The following NOP58 variants were observed in gnomAD, a reference collection of about 807,000 sequenced individuals.
NOP58 encodes NOP58 ribonucleoprotein.
Under a neutral mutation model 71.2 loss-of-function variants are expected in NOP58, and 44 were observed. The observed-to-expected ratio is 0.62, with a 90% CI of 0.49 to 0.79. The LOEUF is 0.79. Among genes scored for constraint, NOP58 ranks in the 30% least tolerant of loss-of-function variants. The probability of loss-of-function intolerance (pLI) is 0.00; values close to 1 mark genes in which losing one functional copy is unlikely to be tolerated. For missense variants in NOP58, 538 were observed against 620.2 expected, an observed-to-expected ratio of 0.87 and a Z score of 1.41; for synonymous variants, 228 against 200.3, an observed-to-expected ratio of 1.14 and a Z score of -1.17.
Position 202,271,190 on chromosome 2 carries a change from C to T in NOP58, c.46-3923C>T, listed in dbSNP as rs376463453. On this transcript the variant is annotated intron_variant, in intron 1 of 14. Coordinates refer to ENST00000264279, the MANE Select transcript of NOP58 (RefSeq NM_015934.5). ...ATAGGATGGGCTCAATCCTAAAAGG[C>T]ACAACCCCCATATTTAACATCCCTA... Among the ~76,000 whole-genome samples the T allele has an allele frequency of 1.8e-4, 27 of 152,220 alleles. No individual in the cohort carries two copies. In the East Asian group the frequency reaches 2.1e-3, roughly 12 times the overall value.
Position 202,295,654 on chromosome 2 carries a change from G to A in NOP58, c.908-20G>A. The A allele has an allele frequency of 6.5e-7, 1 of 1,542,150 alleles. No homozygotes were observed. ...TCATATATTTGGAGGTGCATTCTTT[G>A]TAACTTTTTTCTTTTGTAGGTTCTC... On this transcript the variant is annotated intron_variant, in intron 9 of 14. Coordinates refer to ENST00000264279, the MANE Select transcript of NOP58 (RefSeq NM_015934.5).
intron 5 of NOP58, 164 bp downstream of exon 5, chr2:202,284,645 AATACAGCTGGTAAGTG>A: frequency 1.5e-6 from 1 of 673,806 alleles, no homozygotes; most frequent in Non-Finnish European, 2.4e-6. Flanking sequence ...GCCCAAGGTC[AATACAGCTGGTAAGTG>A]GTAAAGCCAG....
At chr2:202,302,083 C>CTTT (rs71031885) in intron 13 of NOP58, among the ~76,000 whole-genome samples, 105 of 90,578 alleles carry the variant, frequency 1.2e-3, no homozygotes, top group Admixed American at 1.7e-3. Flanking sequence ...TTTTTTTTTT[C>CTTT]TTTTTTTTTT....
rs1303817242 is a variant in NOP58 at position 202,286,049 on chromosome 2, G to T, written c.434+1568G>T. ...TACAAAAAATTAGCCGGGCACAGTG[G>T]CGGGCGCCTGTAGTCCCAGCTACTT... is the stretch of plus-strand genomic sequence containing the variant. On this transcript the variant is annotated intron_variant, in intron 5 of 14. Transcript: ENST00000264279. Among the ~76,000 whole-genome samples the T allele has an allele frequency of 7.2e-5, 11 of 151,862 alleles. No individual in the cohort carries two copies. In the East Asian group the frequency reaches 2.1e-3, roughly 29 times the overall value.
At chr2:202,294,522 C>A (rs1024497517) in intron 9 of NOP58, among the ~76,000 whole-genome samples, 9 of 152,060 alleles carry the variant, frequency 5.9e-5, no homozygotes, top group Non-Finnish European at 2.9e-5. Context: ...TAAGCTCCCC[C>A]CTCCAAGAAT....
chr2:202,288,565 C>G lies in NOP58; in HGVS notation c.499+841C>G, dbSNP rs527942265. ...TTCGGCCGTGGCTCACGCCTGTAATCCCAACACTTTGGGAGGCAGAGGCTG... is the reference window on the plus strand; with the variant it reads ...TTCGGCCGTGGCTCACGCCTGTAATGCCAACACTTTGGGAGGCAGAGGCTG... On this transcript the variant is annotated intron_variant, in intron 6 of 14. Coordinates refer to ENST00000264279, the MANE Select transcript of NOP58 (RefSeq NM_015934.5). Among the ~76,000 whole-genome samples, 3 of 152,070 alleles carry G rather than the reference C, an allele frequency of 2.0e-5. No homozygotes were observed. The South Asian group carries it at 6.2e-4, about 32-fold the overall frequency.
At position 202,297,804 on chromosome 2, in the gene NOP58, T is replaced by C. The variant is rs765542180; in HGVS notation, c.1207-41T>C. 22 of 1,167,770 alleles carry C rather than the reference T, an allele frequency of 1.9e-5. No individual in the cohort carries two copies. The South Asian group carries it at 3.1e-4, about 17-fold the overall frequency. The allele number at this position is 1,167,770 out of a possible 1,614,324, so 72.3% of individuals were successfully genotyped here. A position where few individuals can be genotyped will look rare whatever the true frequency, so the allele number is the denominator to read the frequency against. ...TGTATAGTGTATTATAAAGAGATTA[T>C]GACTTAGAAGTGTATTTGTAATTTT... is the stretch of plus-strand genomic sequence containing the variant. On this transcript the variant is annotated intron_variant, in intron 11 of 14. Transcript: ENST00000264279.
intron 3 of NOP58, among the ~76,000 whole-genome samples, chr2:202,279,557 G>C (rs1318539440): frequency 6.6e-6 from 1 of 152,206 alleles, no homozygotes; most frequent in African/African-American, 2.4e-5. Context: ...CAGCACTTTG[G>C]GAGGCCAAGA....
At chr2:202,294,268 A>C (rs1051907279) in intron 9 of NOP58, among the ~76,000 whole-genome samples, 1 of 151,430 alleles carries the variant, frequency 6.6e-6, no homozygotes, top group African/African-American at 2.4e-5. Flanking sequence ...GCAGTGAGCC[A>C]AGATTGTGAC....
chr2:202,277,817 G>T, intron 2 of NOP58, 133 bp from the exon 3 acceptor site: 1 of 634,478 alleles, frequency 1.6e-6, no homozygotes, highest in Non-Finnish European at 2.8e-6. Context: ...TTCACACCCT[G>T]ATACACAATG....
intron 2 of NOP58, 69 bp downstream of exon 2, chr2:202,275,258 C>T (rs141825030): frequency 1.6e-5 from 13 of 790,164 alleles, no homozygotes; most frequent in Non-Finnish European, 2.7e-5. Flanking sequence ...TACATTTTTC[C>T]CTGATTTATA....
chr2:202,298,898 G>C (rs1465756130), intron 12 of NOP58, among the ~76,000 whole-genome samples: 3 of 144,362 alleles, frequency 2.1e-5, no homozygotes, highest in African/African-American at 7.7e-5. Flanking sequence ...TCTTCAAAAT[G>C]TTCCTAGTCA....
At chr2:202,284,979 G>A (rs772808128) in intron 5 of NOP58, among the ~76,000 whole-genome samples, 1 of 152,134 alleles carries the variant, frequency 6.6e-6, no homozygotes, top group Non-Finnish European at 1.5e-5. Context: ...CCAGGAGTTT[G>A]AGACTAGCCT....
intron 2 of NOP58, among the ~76,000 whole-genome samples, chr2:202,276,262 C>A (rs1688587568): frequency 6.6e-6 from 1 of 151,612 alleles, no homozygotes; most frequent in Admixed American, 6.6e-5. Flanking sequence ...ATCCCTTGAG[C>A]CTGGGAGGCG....
chr2:202,272,433 C>T (rs1466687809), intron 1 of NOP58, among the ~76,000 whole-genome samples: 1 of 152,154 alleles, frequency 6.6e-6, no homozygotes, highest in Non-Finnish European at 1.5e-5. Flanking sequence ...GGATTACAGG[C>T]ATGAGCCACC....
At chr2:202,291,363 T>G in intron 8 of NOP58, 93 bp downstream of exon 8, 1 of 896,862 alleles carries the variant, frequency 1.1e-6, no homozygotes, top group Non-Finnish European at 1.7e-6. Flanking sequence ...CACTTATTGT[T>G]GTTCACCTGA....
intron 1 of NOP58, among the ~76,000 whole-genome samples, chr2:202,269,757 GAAAA>G (rs929397798): frequency 1.3e-5 from 2 of 151,916 alleles, no homozygotes; most frequent in African/African-American, 2.4e-5. Context: ...AAGAAAAAAA[GAAAA>G]AAAGAAATTC....
intron 3 of NOP58, among the ~76,000 whole-genome samples, chr2:202,282,025 G>A (rs950694513): frequency 1.3e-5 from 2 of 152,136 alleles, no homozygotes; most frequent in African/African-American, 4.8e-5. Flanking sequence ...AAATGACAAA[G>A]GAAAGTGAGT....
At chr2:202,279,292 T>C (rs1688661415) in intron 3 of NOP58, among the ~76,000 whole-genome samples, 1 of 152,170 alleles carries the variant, frequency 6.6e-6, no homozygotes, top group Non-Finnish European at 1.5e-5. Flanking sequence ...CAAGCCAAGC[T>C]TTTGCTCAAA....
Sources: gnomAD v4.1 joint callset for allele counts (sites outside exome capture counted in the v4.1 genomes callset) on GRCh38, gnomAD v4.1.1 for gene constraint, MANE v1.5 for transcripts, NCBI Gene and HGNC (gene_info 2026-07-23, HGNC 2026-07-21) for gene names.